The following ANKRD11 variants were observed in gnomAD, a reference collection of about 807,000 sequenced individuals.
ANKRD11 encodes the protein ankyrin repeat domain 11, also known as ankyrin repeat domain-containing protein 11.
ANKRD11 carries 17 observed loss-of-function variants against 195.7 expected under a neutral mutation model. That is an observed-to-expected ratio of 0.09 (90% confidence interval 0.06 to 0.13). The LOEUF is 0.13. Among genes scored for constraint, ANKRD11 ranks in the 10% least tolerant of loss-of-function variants. ANKRD11 has a pLI of 1.00. For synonymous variants in ANKRD11, 1,953 were observed against 1,528.1 expected (o/e 1.28, Z -6.49); for missense variants, 3,735 against 3,566.1 (o/e 1.05, Z -1.21).
Position 89,284,940 on chromosome 16 carries a change from C to G in ANKRD11, c.1602G>C (p.Gln534His). Residue 534 changes from glutamine (Q) to histidine (H), a missense_variant, in exon 9 of 13, where the codon CAG (glutamine) becomes CAC (histidine). Gln to His is a conservative substitution (Grantham distance 24). Coordinates refer to ENST00000301030, the MANE Select transcript of ANKRD11 (RefSeq NM_013275.6). ...SSHGSSAAQK[Q>H]NPSHTDQHTK... ...TGTGCTGGTCTGTGTGGCTGGGGTT[C>G]TGCTTCTGGGCGGCAGAGCTCCCGT... is the stretch of plus-strand genomic sequence containing the variant. The G allele has an allele frequency of 6.2e-7, 1 of 1,614,156 alleles. No individual in the cohort carries two copies.
chr16:89,471,585 G>A (rs1242403525), intron 1 of ANKRD11, among the ~76,000 whole-genome samples: 1 of 152,000 alleles, frequency 6.6e-6, no homozygotes, highest in Non-Finnish European at 1.5e-5. Flanking sequence ...CTGAGGTCAG[G>A]ACCAGCTTGG....
chr16:89,298,680 G>C (rs1305587835), intron 4 of ANKRD11, among the ~76,000 whole-genome samples: 4 of 152,194 alleles, frequency 2.6e-5, no homozygotes, highest in Non-Finnish European at 5.9e-5. Context: ...CATGGGCCTG[G>C]CTACCGGCCT....
intron 2 of ANKRD11, chr16:89,321,205 G>A (rs1181827576): frequency 6.6e-6 from 1 of 152,326 alleles, no homozygotes; most frequent in Admixed American, 6.5e-5. Context: ...TGATGCAGAA[G>A]TGGTTACACT....
At chr16:89,462,945 A>T (rs2056742566) in intron 1 of ANKRD11, among the ~76,000 whole-genome samples, 1 of 141,550 alleles carries the variant, frequency 7.1e-6, no homozygotes, top group Non-Finnish European at 1.5e-5. Flanking sequence ...AGGGAGGTGG[A>T]GGTGGGGGGG....
At chr16:89,429,057 C>T (rs969897627) in intron 1 of ANKRD11, among the ~76,000 whole-genome samples, 2 of 152,194 alleles carry the variant, frequency 1.3e-5, no homozygotes, top group African/African-American at 4.8e-5. Context: ...TACACAGCTT[C>T]TGAGAGAACA....
chr16:89,302,797 A>G (rs765292964), intron 4 of ANKRD11, among the ~76,000 whole-genome samples: 5 of 152,154 alleles, frequency 3.3e-5, no homozygotes, highest in Non-Finnish European at 5.9e-5. Flanking sequence ...CTGTTTTCCC[A>G]CCTCACAGGG....
intron 2 of ANKRD11, among the ~76,000 whole-genome samples, chr16:89,358,876 A>G (rs2039606434): frequency 6.6e-6 from 1 of 151,772 alleles, no homozygotes; most frequent in Non-Finnish European, 1.5e-5. Context: ...CCCAGGCTGG[A>G]GCGCAGTGGT....
At chr16:89,417,180 G>A (rs1036839141) in intron 2 of ANKRD11, among the ~76,000 whole-genome samples, 7 of 152,164 alleles carry the variant, frequency 4.6e-5, no homozygotes, top group African/African-American at 1.7e-4. Context: ...ATTTTAAAGT[G>A]GCCTGACTCC....
At chr16:89,408,445 G>A (rs909622096) in intron 2 of ANKRD11, among the ~76,000 whole-genome samples, 6 of 152,226 alleles carry the variant, frequency 3.9e-5, no homozygotes, top group African/African-American at 7.2e-5. Flanking sequence ...CGTTAGAAAC[G>A]GCCTCACCCT....
intron 4 of ANKRD11, among the ~76,000 whole-genome samples, chr16:89,303,785 AGC>A: frequency 6.6e-6 from 1 of 152,252 alleles, no homozygotes; most frequent in East Asian, 1.9e-4. Context: ...AAGCTTGCTG[AGC>A]TGTGCTGACA....
At chr16:89,307,003 G>A (rs963607230) in intron 3 of ANKRD11, among the ~76,000 whole-genome samples, 3 of 148,344 alleles carry the variant, frequency 2.0e-5, no homozygotes, top group Admixed American at 2.0e-4. Flanking sequence ...CACAGCGCTC[G>A]GGACGTGGGG....
chr16:89,300,035 G>A (rs1201712652), intron 4 of ANKRD11: 1 of 191,962 alleles, frequency 5.2e-6, no homozygotes, highest in South Asian at 4.9e-5. Context: ...GATGCGTGGG[G>A]TCTGTGCCCT....
intron 2 of ANKRD11, among the ~76,000 whole-genome samples, chr16:89,350,277 C>T: frequency 6.6e-6 from 1 of 152,202 alleles, no homozygotes; most frequent in Non-Finnish European, 1.5e-5. Context: ...CTGGCAGGTT[C>T]TTAACAAGTT....
intron 1 of ANKRD11, among the ~76,000 whole-genome samples, chr16:89,477,195 T>C (rs917003984): frequency 3.3e-4 from 38 of 115,192 alleles, no homozygotes; most frequent in South Asian, 1.9e-3. Context: ...TCATTTCCCC[T>C]TTTTTTTTTT....
At chr16:89,369,600 G>A (rs941070752) in intron 2 of ANKRD11, among the ~76,000 whole-genome samples, 3 of 152,248 alleles carry the variant, frequency 2.0e-5, no homozygotes, top group Non-Finnish European at 4.4e-5. Context: ...GTGGAAAGAG[G>A]ATCCTGGAAA....
intron 2 of ANKRD11, among the ~76,000 whole-genome samples, chr16:89,384,835 G>GTGTAAGAACATGTGTGTGGGAGC (rs2040825588): frequency 2.0e-5 from 3 of 146,776 alleles, no homozygotes; most frequent in African/African-American, 7.7e-5. Flanking sequence ...GAACATACGT[G>GTGTAAGAACATGTGTGTGGGAGC]TGTAAGAACA....
At chr16:89,374,310 C>A (rs938065076) in intron 2 of ANKRD11, among the ~76,000 whole-genome samples, 1 of 151,654 alleles carries the variant, frequency 6.6e-6, no homozygotes, top group South Asian at 2.1e-4. Context: ...CCGAGGTCAG[C>A]GAGTTATGGC....
chr16:89,280,956 G>C lies in ANKRD11; in HGVS notation c.5586C>G (p.Val1862=), dbSNP rs772818159. Residue 1862 remains valine (V), a synonymous_variant, in exon 9 of 13, where the codon GTC becomes GTG. Coordinates refer to ENST00000301030, the MANE Select transcript of ANKRD11 (RefSeq NM_013275.6). Reference sequence around the variant, plus strand: ...CAGCCGGTGGGCAGTGCAAAGCGTCGACTTTGGGCGACGGGAGGCCATAGT... The same window carrying C: ...CAGCCGGTGGGCAGTGCAAAGCGTCCACTTTGGGCGACGGGAGGCCATAGT... ...SPDYGLPSPK[V]DALHCPPAAV... 2.5e-6 allele frequency: 4 copies of C among 1,572,948 alleles called. No individual in the cohort carries two copies. Among genetic ancestry groups the C allele is most frequent in the East Asian group, 2.3e-5 (1 of 44,358 alleles).
chr16:89,284,260 T>C lies in ANKRD11; in HGVS notation c.2282A>G (p.Tyr761Cys). ...TGATTTCTTCTTTCTCTCCTCTTTG[T>C]ACAGTCTCAGTTTTTCTTCTTTCGG... ...KSPKEEKLRL[Y>C]KEERKKKSKD... The change falls in exon 9 of 13, where the codon TAC becomes TGC. Residue 761 changes from tyrosine to cysteine, a missense_variant. Transcript: ENST00000301030. The C allele has an allele frequency of 3.7e-6, 6 of 1,613,990 alleles. No individual in the cohort carries two copies. The highest frequency in any genetic ancestry group is 5.1e-6 in the Non-Finnish European group (6 of 1,180,016).
Sources: gnomAD v4.1 joint callset for allele counts (sites outside exome capture counted in the v4.1 genomes callset) on GRCh38, gnomAD v4.1.1 for gene constraint, MANE v1.5 for transcripts, NCBI Gene and HGNC (gene_info 2026-07-23, HGNC 2026-07-21) for gene names.